Variants in LTBP1 observed in about 807,000 individuals in gnomAD.
LTBP1 encodes latent-transforming growth factor beta-binding protein 1.
Under a neutral mutation model 207.6 loss-of-function variants are expected in LTBP1, and 129 were observed. That is an observed-to-expected ratio of 0.62 (90% CI 0.54 to 0.72). The LOEUF is 0.72. Among genes scored for constraint, LTBP1 ranks in the 30% least tolerant of loss-of-function variants. The pLI is 0.00. For missense variants in LTBP1, 2,281 were observed against 2,217.2 expected (o/e 1.03, Z -0.58); for synonymous variants, 963 against 833.7 (o/e 1.16, Z -2.67).
In LTBP1 at chr2:33,293,186, G is replaced by A. The variant is rs371364048; in HGVS notation, c.3139G>A (p.Val1047Ile). Residue 1047 changes from valine to isoleucine, a missense_variant, in exon 20 of 34, where the codon GTC (valine) becomes ATC (isoleucine). By Grantham distance (29) the Val-to-Ile change is conservative. Around this residue, in one of 3 missense-constraint regions of LTBP1, gnomAD observed 1,671 missense variants for 1,634.8 expected, o/e 1.02. Coordinates refer to ENST00000404816, the MANE Select transcript of LTBP1 (RefSeq NM_206943.4). ...LDVDECLEPN[V>I]CANGDCSNLE... is the part of the protein sequence containing the mutation. ...TGTGGACGAGTGCCTGGAACCAAACGTCTGCGCAAATGGTGATTGTTCCAA... is the reference window on the plus strand; with the variant it reads ...TGTGGACGAGTGCCTGGAACCAAACATCTGCGCAAATGGTGATTGTTCCAA... 8.1e-6 allele frequency: 13 copies of A among 1,613,890 alleles called. No individual in the cohort carries two copies. The highest frequency in any genetic ancestry group is 8.0e-5 in the African/African-American group (6 of 75,008).
Position 33,293,255 on chromosome 2 carries a change from C to T in LTBP1, c.3208C>T (p.Arg1070Trp), listed in dbSNP as rs765403812. 2.9e-5 allele frequency: 46 copies of T among 1,613,748 alleles called. No individual in the cohort carries two copies. Among genetic ancestry groups the T allele is most frequent in the South Asian group, 2.4e-4 (22 of 90,970 alleles). Residue 1070 changes from arginine (R) to tryptophan (W), a missense_variant, in exon 20 of 34, where the codon CGG becomes TGG. Coordinates refer to ENST00000404816, the MANE Select transcript of LTBP1 (RefSeq NM_206943.4). Reference protein sequence around the residue: ...YMCSCHKGYTRTPDHKHCRDI... With the variant: ...YMCSCHKGYTWTPDHKHCRDI... ...GTGTTCATGCCACAAAGGCTATACC[C>T]GGACTCCGGACCACAAGCACTGTAG...
chr2:33,329,486 G>A (rs868552540), intron 24 of LTBP1, among the ~76,000 whole-genome samples: 5 of 152,046 alleles, frequency 3.3e-5, no homozygotes, highest in Middle Eastern at 6.3e-3. Flanking sequence ...AGTCATTAAG[G>A]TACTGTTATG....
intron 31 of LTBP1, among the ~76,000 whole-genome samples, chr2:33,379,520 T>A (rs953345130): frequency 6.6e-6 from 1 of 152,218 alleles, no homozygotes; most frequent in Non-Finnish European, 1.5e-5. Flanking sequence ...CTGCCATTAC[T>A]TTTAATGCAT....
At chr2:33,276,743 T>C (rs904859871) in intron 18 of LTBP1, among the ~76,000 whole-genome samples, 7 of 152,142 alleles carry the variant, frequency 4.6e-5, no homozygotes, top group Non-Finnish European at 7.4e-5. Flanking sequence ...CCCAGCTACC[T>C]GGGAGGCTGA....
intron 24 of LTBP1, among the ~76,000 whole-genome samples, chr2:33,340,825 G>A (rs112227725): frequency 4.9e-4 from 74 of 152,246 alleles, no homozygotes; most frequent in African/African-American, 1.7e-3. Flanking sequence ...ACTTACCAAT[G>A]TTATTAATAT....
At chr2:32,983,903 T>A (rs1683144855) in intron 2 of LTBP1, among the ~76,000 whole-genome samples, 1 of 152,260 alleles carries the variant, frequency 6.6e-6, no homozygotes. Flanking sequence ...TAAAGCATCC[T>A]CTGATAATCC....
chr2:33,224,660 C>G lies in LTBP1; in HGVS notation c.1876+2509C>G, dbSNP rs73924195. 9.0e-3 allele frequency among the ~76,000 whole-genome samples: 1,368 copies of G among 152,216 alleles called. 22 individuals carry two copies. Among genetic ancestry groups the G allele is most frequent in the African/African-American group, 0.031 (1,306 of 41,550 alleles). On this transcript the variant is annotated intron_variant, in intron 9 of 33. Coordinates refer to ENST00000404816, the MANE Select transcript of LTBP1 (RefSeq NM_206943.4). Reference sequence around the variant, plus strand: ...ACTACTTTGTGTCAGTTTTAATAATCTGTATTACCTTAGAAAGTGTCATTT... The same window carrying G: ...ACTACTTTGTGTCAGTTTTAATAATGTGTATTACCTTAGAAAGTGTCATTT...
intron 2 of LTBP1, among the ~76,000 whole-genome samples, chr2:33,011,243 T>C (rs976457272): frequency 1.3e-5 from 2 of 152,156 alleles, no homozygotes; most frequent in African/African-American, 4.8e-5. Context: ...TGGGCTTGTC[T>C]CACTGCACAG....
chr2:32,959,619 A>AT lies in LTBP1; in HGVS notation c.565+10675dup, dbSNP rs1378144146. On this transcript the variant is annotated intron_variant, in intron 2 of 33. Transcript: ENST00000404816. ...CGTGTATATATATATATATATATAT[A>AT]TATTTTTTTTTTTTTTTTTGAGATG... is the stretch of plus-strand genomic sequence containing the variant. Among the ~76,000 whole-genome samples the AT allele has an allele frequency of 3.0e-3, 146 of 48,052 alleles. 4 individuals carry two copies. Among genetic ancestry groups the AT allele is most frequent in the African/African-American group, 9.7e-3 (136 of 14,038 alleles). 31.5% of individuals were successfully genotyped at this position (48,052 alleles called of 152,430 possible). A position where few individuals can be genotyped will look rare whatever the true frequency, so the allele number is the denominator to read the frequency against.
intron 2 of LTBP1, among the ~76,000 whole-genome samples, chr2:32,968,969 G>A (rs2148544104): frequency 6.9e-6 from 1 of 145,604 alleles, no homozygotes; most frequent in South Asian, 2.2e-4. Context: ...AGGCTGGAGT[G>A]CAGTGGGCAA....
At chr2:33,072,216 G>A (rs959668130) in intron 3 of LTBP1, among the ~76,000 whole-genome samples, 7 of 152,188 alleles carry the variant, frequency 4.6e-5, no homozygotes, top group Admixed American at 1.3e-4. Flanking sequence ...GGATACAGAC[G>A]AAGAGGTGCT....
At chr2:33,182,100 G>A (rs1441024111) in intron 5 of LTBP1, among the ~76,000 whole-genome samples, 1 of 152,020 alleles carries the variant, frequency 6.6e-6, no homozygotes, top group African/African-American at 2.4e-5. Flanking sequence ...ATTCATAAAG[G>A]GTTATAAATA....
At chr2:33,145,405 A>G (rs553232886) in intron 5 of LTBP1, among the ~76,000 whole-genome samples, 2 of 152,284 alleles carry the variant, frequency 1.3e-5, no homozygotes, top group East Asian at 1.9e-4. Flanking sequence ...ATTCAGCCCA[A>G]TTTTCATCAG....
In LTBP1 at chr2:33,237,086, C is replaced by T. The variant is rs188274251; in HGVS notation, c.1877-6576C>T. ...GGGCCTAGATAGAAGCAAATATAAT[C>T]ACGAAGAGACTCATACAATAGTCTT... On this transcript the variant is annotated intron_variant, in intron 9 of 33. Coordinates refer to ENST00000404816, the MANE Select transcript of LTBP1 (RefSeq NM_206943.4). Among the ~76,000 whole-genome samples the T allele has an allele frequency of 1.7e-3, 259 of 152,190 alleles. 1 individual carries two copies. Among genetic ancestry groups the T allele is most frequent in the African/African-American group, 6.0e-3 (249 of 41,520 alleles).
chr2:33,262,345 C>T (rs1352301731), intron 13 of LTBP1, among the ~76,000 whole-genome samples: 1 of 152,132 alleles, frequency 6.6e-6, no homozygotes, highest in African/African-American at 2.4e-5. Flanking sequence ...GGGGCAGAGC[C>T]ACATGTGAAT....
chr2:33,187,468 C>G (rs6707962), intron 6 of LTBP1, among the ~76,000 whole-genome samples: 5 of 152,068 alleles, frequency 3.3e-5, no homozygotes, highest in South Asian at 4.2e-4. Flanking sequence ...GTGAACTTCA[C>G]AATTGAAGAA....
At chr2:32,996,241 C>T (rs1392004397) in intron 2 of LTBP1, among the ~76,000 whole-genome samples, 1 of 152,130 alleles carries the variant, frequency 6.6e-6, no homozygotes, top group Non-Finnish European at 1.5e-5. Flanking sequence ...GCTTCAGTGT[C>T]TGGTGAAGGC....
At chr2:33,233,007 C>T (rs773378571) in intron 9 of LTBP1, among the ~76,000 whole-genome samples, 2 of 151,984 alleles carry the variant, frequency 1.3e-5, no homozygotes, top group Non-Finnish European at 1.5e-5. Context: ...TCTTTATGTT[C>T]TGTAGTTTTA....
intron 24 of LTBP1, among the ~76,000 whole-genome samples, chr2:33,326,567 AAG>A (rs781066714): frequency 1.6e-4 from 25 of 152,180 alleles, no homozygotes; most frequent in Middle Eastern, 3.4e-3. Context: ...TGGGATGATA[AAG>A]AGAGAATCTT....
Sources: gnomAD v4.1 joint callset for allele counts (sites outside exome capture counted in the v4.1 genomes callset) on GRCh38, gnomAD v4.1.1 for gene constraint, gnomAD v4.1.1 regional missense constraint, MANE v1.5 for transcripts, NCBI Gene and HGNC (gene_info 2026-07-23, HGNC 2026-07-21) for gene names.